Variants in NOL4 observed in about 807,000 individuals in gnomAD.
The protein encoded by NOL4 is cancer/testis antigen 125.
In NOL4, 17 loss-of-function variants were observed where a neutral mutation model predicts 75.9. That is an observed-to-expected ratio of 0.22 (90% confidence interval 0.15 to 0.34). The LOEUF (loss-of-function observed/expected upper bound fraction) is 0.34, where lower values mean the gene tolerates loss of function less well. Among genes scored for constraint, NOL4 ranks in the 10% least tolerant of loss-of-function variants. The pLI, the probability that NOL4 is intolerant of heterozygous loss-of-function variation, is 1.00. For synonymous variants in NOL4, 292 were observed against 289.9 expected (o/e 1.01, Z -0.07); for missense variants, 614 against 793.5 (o/e 0.77, Z 2.72).
chr18:34,142,613 T>C (rs950505062), intron 1 of NOL4, among the ~76,000 whole-genome samples: 12 of 151,864 alleles, frequency 7.9e-5, no homozygotes, highest in Non-Finnish European at 1.6e-4. Context: ...TTCTCACTCA[T>C]AGATGGGAAT....
At chr18:34,105,457 A>T (rs556523577) in intron 2 of NOL4, among the ~76,000 whole-genome samples, 1 of 152,082 alleles carries the variant, frequency 6.6e-6, no homozygotes, top group East Asian at 1.9e-4. Context: ...CAGATGTCCT[A>T]GTGAATTTTC....
intron 5 of NOL4, among the ~76,000 whole-genome samples, chr18:34,031,214 G>A (rs1046134541): frequency 2.6e-5 from 4 of 152,186 alleles, no homozygotes; most frequent in African/African-American, 9.7e-5. Context: ...GTCCGTCTTT[G>A]TTCTCTGTTG....
rs117721925 is a variant in NOL4 at position 33,917,174 on chromosome 18, C to T, written c.1542+25891G>A. 7.9e-3 allele frequency among the ~76,000 whole-genome samples: 1,196 copies of T among 152,170 alleles called. 8 individuals carry two copies. Among genetic ancestry groups the T allele is most frequent in the Middle Eastern group, 0.034 (10 of 294 alleles). On this transcript the variant is annotated intron_variant, in intron 9 of 10. Transcript: ENST00000261592. ...TATAACTTTCTTTCCTCCTCCTTTG[C>T]CTTTTGTGAGGTCTTGCAAAAGAAA... is the stretch of plus-strand genomic sequence containing the variant.
At chr18:34,008,383 A>ATCTG (rs1241130442) in intron 6 of NOL4, among the ~76,000 whole-genome samples, 3 of 150,884 alleles carry the variant, frequency 2.0e-5, no homozygotes, top group African/African-American at 7.3e-5. Context: ...CTATCTATCT[A>ATCTG]TCTATCTATC....
rs1568009955 is a variant in NOL4 at position 33,886,928 on chromosome 18, C to CA, written c.1543-3505_1543-3504insT. ...TAGATATATCTATATACATATATAT[C>CA]TATATATCTATATATCTAGATATAT... On this transcript the variant is annotated intron_variant, in intron 9 of 10. Coordinates refer to ENST00000261592, the MANE Select transcript of NOL4 (RefSeq NM_003787.5). 5.2e-3 allele frequency among the ~76,000 whole-genome samples: 570 copies of CA among 109,026 alleles called. 7 individuals carry two copies. Among genetic ancestry groups the CA allele is most frequent in the Non-Finnish European group, 6.9e-3 (344 of 50,168 alleles). 71.5% of individuals were successfully genotyped at this position (109,026 alleles called of 152,430 possible).
At chr18:34,163,311 G>C (rs570936570) in intron 1 of NOL4, among the ~76,000 whole-genome samples, 7 of 151,844 alleles carry the variant, frequency 4.6e-5, no homozygotes, top group Non-Finnish European at 8.8e-5. Flanking sequence ...GTCCCTGTTT[G>C]CAGATGACAT....
chr18:34,120,165 T>C (rs974321064), intron 2 of NOL4, among the ~76,000 whole-genome samples: 3 of 152,166 alleles, frequency 2.0e-5, no homozygotes, highest in African/African-American at 7.2e-5. Context: ...AAAATTGTTA[T>C]GTCAGGAAAA....
intron 6 of NOL4, among the ~76,000 whole-genome samples, chr18:33,976,637 A>G (rs1215889887): frequency 6.6e-6 from 1 of 152,158 alleles, no homozygotes; most frequent in African/African-American, 2.4e-5. Flanking sequence ...TTTGATGATG[A>G]AAAAAAGTTA....
intron 6 of NOL4, among the ~76,000 whole-genome samples, chr18:33,989,487 A>G (rs1205370167): frequency 1.3e-5 from 2 of 152,114 alleles, no homozygotes; most frequent in African/African-American, 4.8e-5. Context: ...TTAGAAAAAG[A>G]AAGATTCAAT....
At chr18:33,977,853 T>G (rs987188717) in intron 6 of NOL4, among the ~76,000 whole-genome samples, 1 of 152,182 alleles carries the variant, frequency 6.6e-6, no homozygotes, top group Non-Finnish European at 1.5e-5. Context: ...TCATGAAGTT[T>G]AACATGTTTT....
intron 6 of NOL4, among the ~76,000 whole-genome samples, chr18:33,979,498 A>G (rs1450995193): frequency 6.6e-6 from 1 of 152,064 alleles, no homozygotes; most frequent in East Asian, 1.9e-4. Flanking sequence ...ATAATGTACT[A>G]CTTGGTAAAG....
chr18:33,872,832 A>G (rs768656458), intron 10 of NOL4, among the ~76,000 whole-genome samples: 3 of 152,064 alleles, frequency 2.0e-5, no homozygotes, highest in Non-Finnish European at 4.4e-5. Flanking sequence ...AGAGAAAACT[A>G]TCAAAATATG....
intron 6 of NOL4, among the ~76,000 whole-genome samples, chr18:33,963,963 C>T (rs376889346): frequency 7.9e-5 from 12 of 152,200 alleles, no homozygotes; most frequent in East Asian, 1.9e-4. Flanking sequence ...GGAAAAAAGG[C>T]GAACCTGTGT....
At chr18:34,021,681 A>G (rs1421128783) in intron 5 of NOL4, among the ~76,000 whole-genome samples, 2 of 152,176 alleles carry the variant, frequency 1.3e-5, no homozygotes, top group Non-Finnish European at 2.9e-5. Flanking sequence ...CTAATTTGGC[A>G]TATTTAAAAG....
intron 1 of NOL4, among the ~76,000 whole-genome samples, chr18:34,130,921 T>C (rs1227042210): frequency 2.6e-5 from 4 of 152,044 alleles, no homozygotes; most frequent in African/African-American, 9.7e-5. Context: ...TGCTGGGAAG[T>C]ACAGCAAAGA....
chr18:33,889,924 A>C lies in NOL4; in HGVS notation c.1543-6500T>G, dbSNP rs139929318. ...GAGATATTTATGATGACCCACAGCC[A>C]ATATCATACTGAATGGGCAAAAACT... is the stretch of plus-strand genomic sequence containing the variant. On this transcript the variant is annotated intron_variant, in intron 9 of 10. Transcript: ENST00000261592. Among the ~76,000 whole-genome samples, 265 of 152,302 alleles carry C rather than the reference A, an allele frequency of 1.7e-3. 5 individuals carry two copies. The East Asian group carries it at 0.043, about 25-fold the overall frequency.
chr18:34,154,134 C>T (rs1017817222), intron 1 of NOL4, among the ~76,000 whole-genome samples: 1 of 151,852 alleles, frequency 6.6e-6, no homozygotes, highest in South Asian at 2.1e-4. Context: ...AAACGTAAGA[C>T]ACATGCAAAG....
At chr18:33,976,133 G>A (rs2071470987) in intron 6 of NOL4, among the ~76,000 whole-genome samples, 1 of 152,160 alleles carries the variant, frequency 6.6e-6, no homozygotes, top group Non-Finnish European at 1.5e-5. Context: ...CAGAAGAGAA[G>A]AGAAATACAG....
intron 6 of NOL4, among the ~76,000 whole-genome samples, chr18:34,011,225 T>G (rs912561254): frequency 6.6e-6 from 1 of 151,656 alleles, no homozygotes; most frequent in African/African-American, 2.4e-5. Context: ...GCCTATTATG[T>G]AGCCATAATA....
Sources: allele counts gnomAD v4.1 joint callset (sites outside exome capture counted in the v4.1 genomes callset), GRCh38; gene constraint gnomAD v4.1.1; transcripts MANE v1.5; gene names NCBI Gene and HGNC (gene_info 2026-07-23, HGNC 2026-07-21).